GPATCH1: variants seen among roughly 807,000 people sequenced by gnomAD.
GPATCH1 encodes the protein G patch domain-containing protein 1.
GPATCH1 carries 73 observed loss-of-function variants against 114.9 expected under a neutral mutation model. The observed-to-expected ratio is 0.64, with a 90% CI of 0.53 to 0.77. The LOEUF (loss-of-function observed/expected upper bound fraction) is 0.77. GPATCH1 is among the 30% of genes least tolerant of loss of function. GPATCH1 has a pLI of 0.00. For synonymous variants in GPATCH1, 391 were observed against 428.4 expected (o/e 0.91, Z 1.08); for missense variants, 1,058 against 1,144.3 (o/e 0.92, Z 1.09).
intron 18 of GPATCH1, 84 bp downstream of exon 18, chr19:33,125,286 A>G: frequency 6.8e-7 from 1 of 1,461,724 alleles, no homozygotes; most frequent in South Asian, 1.3e-5. Flanking sequence ...CTGCAGCTGA[A>G]GAGCGGATCT....
intron 17 of GPATCH1, among the ~76,000 whole-genome samples, chr19:33,120,211 AAT>A (rs957187913): frequency 7.1e-5 from 10 of 141,030 alleles, no homozygotes; most frequent in South Asian, 2.1e-4. Context: ...TATTCATATA[AAT>A]ATATATATTT....
chr19:33,086,738 G>C (rs1245352438), intron 1 of GPATCH1, among the ~76,000 whole-genome samples: 3 of 152,138 alleles, frequency 2.0e-5, no homozygotes, highest in African/African-American at 7.2e-5. Flanking sequence ...TTACAGGCAT[G>C]AGTCATTGCG....
At chr19:33,124,992 G>A (rs906357835) in intron 17 of GPATCH1, 113 bp from the exon 18 acceptor site, 4 of 1,113,622 alleles carry the variant, frequency 3.6e-6, no homozygotes, top group Non-Finnish European at 5.1e-6. Flanking sequence ...CTTCCTCAGT[G>A]TTAAACATTC....
chr19:33,095,687 C>A, intron 5 of GPATCH1, 75 bp from the exon 6 acceptor site: 2 of 969,488 alleles, frequency 2.1e-6, no homozygotes, highest in South Asian at 1.3e-5. Flanking sequence ...CAGGTGTGAT[C>A]CACCGCGCCC....
rs1354488603 is a variant in GPATCH1, at chr19:33,111,727, C to G, written c.1589C>G (p.Ala530Gly). ...TTCTTGTTCTCTGCCCCCGCAGATG[C>G]TCTGGAACGCTGTCTGGACCCCAGC... The part of the protein sequence containing the change: ...LVHMKQGQKD[A>G]LERCLDPSMT... Residue 530 changes from alanine to glycine, a missense_variant, in exon 12 of 20, where the codon GCT becomes GGT. By Grantham distance (60) the Ala-to-Gly change is moderately conservative. This residue lies in a region of GPATCH1 where 893 missense variants were observed against 977.4 expected (regional missense o/e 0.91). Coordinates refer to ENST00000170564, the MANE Select transcript of GPATCH1 (RefSeq NM_018025.3). 6.2e-7 allele frequency: 1 copy of G among 1,613,668 alleles called. No homozygotes were observed. Among genetic ancestry groups the G allele is most frequent in the South Asian group, 1.1e-5 (1 of 91,034 alleles).
chr19:33,121,551 T>C (rs151160500), intron 17 of GPATCH1, among the ~76,000 whole-genome samples: 2,330 of 152,222 alleles, frequency 0.015, 211 homozygotes, highest in Admixed American at 0.14. Context: ...ACTCCTGACC[T>C]GAGGTGATCT....
chr19:33,112,429 A>G, intron 12 of GPATCH1, 57 bp from the exon 13 acceptor site: 1 of 1,589,838 alleles, frequency 6.3e-7, no homozygotes, highest in Non-Finnish European at 8.6e-7. Flanking sequence ...TAAATGGGAG[A>G]GCAGTCAGGT....
chr19:33,113,845 T>A lies in GPATCH1; in HGVS notation c.1971T>A (p.Ala657=). 6.2e-7 allele frequency: 1 copy of A among 1,614,086 alleles called. No homozygotes were observed. The highest frequency in any genetic ancestry group is 8.5e-7 in the Non-Finnish European group (1 of 1,179,936). The part of the protein sequence containing the change: ...VFNFLTLPET[A]SLPTTQASSE... ...ACTTTCTGACGCTCCCAGAGACAGC[T>A]TCCTTGCCCACCACTCAAGCATCAA... The change falls in exon 14 of 20, where the codon GCT becomes GCA. Residue 657 remains alanine, a synonymous_variant. Transcript: ENST00000170564.
intron 1 of GPATCH1, among the ~76,000 whole-genome samples, chr19:33,084,290 TAA>T (rs1220505571): frequency 6.6e-6 from 1 of 152,166 alleles, no homozygotes; most frequent in Non-Finnish European, 1.5e-5. Flanking sequence ...GTTTATTAGT[TAA>T]GAGTTAACCA....
intron 19 of GPATCH1, among the ~76,000 whole-genome samples, chr19:33,128,934 G>A (rs901311018): frequency 5.3e-5 from 8 of 152,096 alleles, no homozygotes; most frequent in Admixed American, 1.3e-4. Context: ...GAACTGCCAC[G>A]AACATTCCTA....
At chr19:33,081,313 GC>G in intron 1 of GPATCH1, 47 bp downstream of exon 1, 1 of 1,472,122 alleles carries the variant, frequency 6.8e-7, no homozygotes, top group Non-Finnish European at 9.3e-7. Flanking sequence ...CAGGCCAAGG[GC>G]CCAGGATTCG....
chr19:33,091,588 C>A (rs1463993322), intron 3 of GPATCH1, among the ~76,000 whole-genome samples: 1 of 151,912 alleles, frequency 6.6e-6, no homozygotes, highest in African/African-American at 2.4e-5. Flanking sequence ...CGCGGATTCA[C>A]CCATGATAAA....
chr19:33,123,860 T>TC (rs1973011686), intron 17 of GPATCH1, among the ~76,000 whole-genome samples: 1 of 152,086 alleles, frequency 6.6e-6, no homozygotes. Context: ...TTTCTTTTTT[T>TC]CTTTTTTTTC....
At chr19:33,112,383 C>T (rs200374620) in intron 12 of GPATCH1, 103 bp from the exon 13 acceptor site, 1 of 954,618 alleles carries the variant, frequency 1.0e-6, no homozygotes, top group Non-Finnish European at 1.4e-6. Context: ...ATAGCACAAA[C>T]TTTTTTCACA....
Position 33,094,165 on chromosome 19 carries a change from A to T in GPATCH1, c.456-7A>T, listed in dbSNP as rs1351022619. 1 of 1,450,812 alleles carries T rather than the reference A, an allele frequency of 6.9e-7. No individual in the cohort carries two copies. The highest frequency in any genetic ancestry group is 1.7e-5 in the Admixed American group (1 of 59,734). The allele number at this position is 1,450,812 out of a possible 1,614,324, so 89.9% of individuals were successfully genotyped here. ...AAAAGTTCATTTTCAATGCCTTGCT[A>T]TCCTAGATTATCTGTTGGTTTCGAA... is the stretch of plus-strand genomic sequence containing the variant. On this transcript the variant is annotated splice_polypyrimidine_tract_variant and splice_region_variant and intron_variant, in intron 4 of 19. Coordinates refer to ENST00000170564, the MANE Select transcript of GPATCH1 (RefSeq NM_018025.3).
At chr19:33,117,399 T>C (rs1009233656) in intron 15 of GPATCH1, among the ~76,000 whole-genome samples, 3 of 152,134 alleles carry the variant, frequency 2.0e-5, no homozygotes, top group African/African-American at 7.2e-5. Flanking sequence ...GGCACAGTGC[T>C]CTACTGCATT....
rs1292966560 is a variant in GPATCH1, at chr19:33,095,795, C to G, written c.587C>G (p.Pro196Arg). The G allele has an allele frequency of 1.2e-6, 2 of 1,611,074 alleles. No homozygotes were observed. The highest frequency in any genetic ancestry group is 2.7e-5 in the African/African-American group (2 of 74,792). Reference sequence around the variant, plus strand: ...GTCAAAATCTATGGCTGTGCATTACCCCCTGGAAGCTCGGAAGGATCTGAG... The same window carrying G: ...GTCAAAATCTATGGCTGTGCATTACGCCCTGGAAGCTCGGAAGGATCTGAG... The part of the protein sequence containing the change: ...PGVKIYGCAL[P>R]PGSSEGSEGE... The change falls in exon 6 of 20, where the codon CCC (proline) becomes CGC (arginine). Residue 196 changes from proline to arginine, a missense_variant. Pro to Arg is a moderately radical substitution (Grantham distance 103). This residue lies in a region of GPATCH1 where 893 missense variants were observed against 977.4 expected (regional missense o/e 0.91). Coordinates refer to ENST00000170564, the MANE Select transcript of GPATCH1 (RefSeq NM_018025.3).
Position 33,106,800 on chromosome 19 carries a change from G to A in GPATCH1, c.1186G>A (p.Glu396Lys), listed in dbSNP as rs1250773408. ...ENSHLLQVLS[E>K]SAGKATPDPG... ...CTCACACTTACTGCAGGTATTATCA[G>A]AGTCAGCTGGAAAGGCAACGCCTGA... The change falls in exon 10 of 20, where the codon GAG becomes AAG. Residue 396 changes from glutamate (E) to lysine (K), a missense_variant. Glu to Lys is a moderately conservative substitution (Grantham distance 56). This residue lies in a region of GPATCH1 where 893 missense variants were observed against 977.4 expected (regional missense o/e 0.91). Transcript: ENST00000170564. 6.2e-7 allele frequency: 1 copy of A among 1,614,004 alleles called. No homozygotes were observed. Among genetic ancestry groups the A allele is most frequent in the South Asian group, 1.1e-5 (1 of 91,042 alleles).
chr19:33,109,659 C>T (rs1023487215), intron 10 of GPATCH1, 58 bp from the exon 11 acceptor site: 45 of 1,107,980 alleles, frequency 4.1e-5, no homozygotes, highest in East Asian at 1.5e-4. Flanking sequence ...TACAGAGAAA[C>T]GTAAATGTGG....
Sources: allele counts gnomAD v4.1 joint callset (sites outside exome capture counted in the v4.1 genomes callset), GRCh38; gene constraint gnomAD v4.1.1; regional missense constraint gnomAD v4.1.1; transcripts MANE v1.5; gene names NCBI Gene and HGNC (gene_info 2026-07-23, HGNC 2026-07-21).